The following VPS13B variants were observed in gnomAD, a reference collection of about 807,000 sequenced individuals.
VPS13B encodes the protein intermembrane lipid transfer protein VPS13B.
In VPS13B, 285 loss-of-function variants were observed where a neutral mutation model predicts 426.4. The observed-to-expected ratio is 0.67, with a 90% CI of 0.61 to 0.74. The LOEUF is 0.74. VPS13B is among the 30% of genes least tolerant of loss of function. The pLI is 0.00. For missense variants in VPS13B, 4,537 were observed against 4,782.6 expected (o/e 0.95, Z 1.51); for synonymous variants, 1,676 against 1,676.4 (o/e 1.00, Z 0.01).
chr8:99,462,336 C>A (rs896688405), intron 23 of VPS13B, among the ~76,000 whole-genome samples: 7 of 152,070 alleles, frequency 4.6e-5, no homozygotes. Context: ...GTTGTCAAAT[C>A]GATTAGAACT....
At chr8:99,803,261 T>A (rs569318388) in intron 43 of VPS13B, among the ~76,000 whole-genome samples, 1 of 152,354 alleles carries the variant, frequency 6.6e-6, no homozygotes, top group Admixed American at 6.5e-5. Context: ...CAGGTTTCCC[T>A]CTATTGTAAG....
Position 99,720,368 on chromosome 8 carries a change from G to T in VPS13B, c.6681G>T (p.Leu2227Phe). The T allele has an allele frequency of 6.2e-7, 1 of 1,613,162 alleles. No homozygotes were observed. Among genetic ancestry groups the T allele is most frequent in the South Asian group, 1.1e-5 (1 of 90,996 alleles). The part of the protein sequence containing the change: ...LLQVFWGQEH[L>F]NCLVLLHELL... ...AGGTCTTCTGGGGTCAAGAACATTT[G>T]AATTGTTTAGTTCTTCTACATGAAT... The change falls in exon 38 of 62, where the codon TTG becomes TTT. Residue 2227 changes from leucine (L) to phenylalanine (F), a missense_variant. Around this residue, in one of 2 missense-constraint regions of VPS13B, gnomAD observed 4,311 missense variants for 4,474.3 expected, o/e 0.96. Transcript: ENST00000357162.
In VPS13B at chr8:99,871,697, G is replaced by A; in HGVS notation, c.11745G>A (p.Glu3915=). 1 of 1,613,436 alleles carries A rather than the reference G, an allele frequency of 6.2e-7. No homozygotes were observed. The highest frequency in any genetic ancestry group is 8.5e-7 in the Non-Finnish European group (1 of 1,180,002). Residue 3915 remains glutamate (E), a splice_region_variant and synonymous_variant, in exon 61 of 62, where the codon GAG becomes GAA. Transcript: ENST00000357162. The part of the protein sequence containing the change: ...LKQPRVACDV[E]VDGVRERLSE... ...AGCCAAGAGTGGCCTGTGATGTGGAGGTACGTTTCAGAAAACAGGGCAACC... is the reference window on the plus strand; with the variant it reads ...AGCCAAGAGTGGCCTGTGATGTGGAAGTACGTTTCAGAAAACAGGGCAACC...
chr8:99,092,343 G>A (rs1018176359), intron 3 of VPS13B, among the ~76,000 whole-genome samples: 8 of 152,142 alleles, frequency 5.3e-5, no homozygotes, highest in Non-Finnish European at 8.8e-5. Context: ...TTGGAAAATT[G>A]CAACCTAAAT....
intron 33 of VPS13B, among the ~76,000 whole-genome samples, chr8:99,629,824 T>C (rs749674943): frequency 1.6e-4 from 24 of 152,354 alleles, no homozygotes; most frequent in Non-Finnish European, 1.9e-4. Context: ...ATTGCCTTAT[T>C]TCAGGTTCCC....
intron 35 of VPS13B, among the ~76,000 whole-genome samples, chr8:99,664,007 A>ATT (rs202131297): frequency 1.3e-4 from 18 of 141,538 alleles, no homozygotes; most frequent in African/African-American, 2.6e-4. Context: ...TAGAAATGTG[A>ATT]TTTTTTTTTT....
intron 19 of VPS13B, among the ~76,000 whole-genome samples, chr8:99,319,671 A>G (rs1237882497): frequency 1.3e-5 from 2 of 152,316 alleles, no homozygotes; most frequent in Non-Finnish European, 2.9e-5. Flanking sequence ...CAACTTTCAT[A>G]TAGAATTGAC....
intron 15 of VPS13B, among the ~76,000 whole-genome samples, chr8:99,164,266 G>A (rs933995013): frequency 1.3e-5 from 2 of 152,216 alleles, no homozygotes; most frequent in African/African-American, 4.8e-5. Flanking sequence ...GTAACAGCAA[G>A]ATGGCTGCCA....
intron 3 of VPS13B, among the ~76,000 whole-genome samples, chr8:99,090,910 A>C (rs1206101531): frequency 6.6e-6 from 1 of 151,692 alleles, no homozygotes; most frequent in Non-Finnish European, 1.5e-5. Flanking sequence ...TAAATCTTAG[A>C]GTGGATCTCA....
chr8:99,364,722 T>C (rs1055847607), intron 19 of VPS13B, among the ~76,000 whole-genome samples: 2 of 152,176 alleles, frequency 1.3e-5, no homozygotes, highest in African/African-American at 2.4e-5. Flanking sequence ...TGAGAGCCAC[T>C]GCGCCCGTTG....
intron 39 of VPS13B, among the ~76,000 whole-genome samples, chr8:99,740,064 A>T (rs1456989683): frequency 6.6e-6 from 1 of 152,170 alleles, no homozygotes; most frequent in African/African-American, 2.4e-5. Context: ...ACAGAAGCTA[A>T]AAACCTTGCA....
At chr8:99,726,213 A>G (rs1355808264) in intron 39 of VPS13B, among the ~76,000 whole-genome samples, 2 of 152,248 alleles carry the variant, frequency 1.3e-5, no homozygotes, top group Non-Finnish European at 2.9e-5. Flanking sequence ...TAATGTTCCT[A>G]GAATGCAAAA....
chr8:99,864,819 A>G (rs917904937), intron 58 of VPS13B, among the ~76,000 whole-genome samples: 20 of 152,204 alleles, frequency 1.3e-4, no homozygotes, highest in African/African-American at 4.1e-4. Flanking sequence ...TCCAGCAAGG[A>G]CAGGAGCCTG....
chr8:99,746,619 C>T (rs779108777), intron 39 of VPS13B, among the ~76,000 whole-genome samples: 9 of 152,072 alleles, frequency 5.9e-5, no homozygotes, highest in Non-Finnish European at 5.9e-5. Flanking sequence ...AAGGAAACTG[C>T]GAATAGAGAG....
intron 44 of VPS13B, among the ~76,000 whole-genome samples, chr8:99,811,881 C>T (rs1813718514): frequency 6.6e-6 from 1 of 152,104 alleles, no homozygotes; most frequent in Non-Finnish European, 1.5e-5. Flanking sequence ...CGTGCCTGCC[C>T]TCCTGCCATA....
intron 39 of VPS13B, among the ~76,000 whole-genome samples, chr8:99,733,510 C>T (rs576675152): frequency 2.7e-4 from 41 of 152,342 alleles, no homozygotes; most frequent in Non-Finnish European, 4.7e-4. Context: ...GTGTCTAGCA[C>T]ATAGTGCTGA....
At chr8:99,855,341 C>G (rs141257736) in intron 56 of VPS13B, among the ~76,000 whole-genome samples, 1 of 152,162 alleles carries the variant, frequency 6.6e-6, no homozygotes, top group Non-Finnish European at 1.5e-5. Flanking sequence ...ATGATCACAT[C>G]ACTACACTCC....
intron 21 of VPS13B, among the ~76,000 whole-genome samples, chr8:99,429,106 A>T: frequency 6.6e-6 from 1 of 152,258 alleles, no homozygotes; most frequent in South Asian, 2.1e-4. Context: ...CAGGAAGGGG[A>T]ACATCACACA....
chr8:99,649,488 C>G (rs1829719434), intron 34 of VPS13B, among the ~76,000 whole-genome samples: 1 of 151,382 alleles, frequency 6.6e-6, no homozygotes, highest in Admixed American at 6.6e-5. Context: ...TTTTGTAGTT[C>G]TTATTTATCT....
Sources: gnomAD v4.1 joint callset for allele counts (sites outside exome capture counted in the v4.1 genomes callset) on GRCh38, gnomAD v4.1.1 for gene constraint, gnomAD v4.1.1 regional missense constraint, MANE v1.5 for transcripts, NCBI Gene and HGNC (gene_info 2026-07-23, HGNC 2026-07-21) for gene names.